Variants in RGS7 observed in about 807,000 individuals in gnomAD.
RGS7 encodes regulator of G protein signaling 7.
RGS7 carries 27 observed loss-of-function variants against 81.1 expected under a neutral mutation model. The ratio of observed to expected loss-of-function variants is 0.33; its 90% CI spans 0.25 to 0.46. The LOEUF is 0.46. Among genes scored for constraint, RGS7 ranks in the 20% least tolerant of loss-of-function variants. The pLI, the probability that RGS7 is intolerant of heterozygous loss-of-function variation, is 1.00. For synonymous variants in RGS7, 208 were observed against 207.7 expected (o/e 1.00, Z -0.01); for missense variants, 396 against 607.4 (o/e 0.65, Z 3.66).
intron 3 of RGS7, among the ~76,000 whole-genome samples, chr1:241,005,897 C>T (rs542519099): frequency 1.2e-4 from 18 of 152,282 alleles, no homozygotes; most frequent in African/African-American, 3.1e-4. Context: ...TACCTGTATT[C>T]GTGTTCCAAG....
At chr1:241,016,317 A>AG (rs2059222123) in intron 3 of RGS7, among the ~76,000 whole-genome samples, 1 of 152,292 alleles carries the variant, frequency 6.6e-6, no homozygotes, top group East Asian at 1.9e-4. Flanking sequence ...CAAGAGAACA[A>AG]GACCATCCTG....
At chr1:241,248,331 G>A (rs778515852) in intron 2 of RGS7, among the ~76,000 whole-genome samples, 12 of 145,782 alleles carry the variant, frequency 8.2e-5, no homozygotes, top group African/African-American at 2.3e-4. Flanking sequence ...CCTATGGCTG[G>A]GTCCTGTTGT....
At chr1:241,077,624 C>G (rs2062875136) in intron 3 of RGS7, among the ~76,000 whole-genome samples, 2 of 152,184 alleles carry the variant, frequency 1.3e-5, no homozygotes, top group South Asian at 4.1e-4. Context: ...TTCTTCAGCC[C>G]TCCAGCGATT....
intron 2 of RGS7, among the ~76,000 whole-genome samples, chr1:241,291,853 C>A (rs989959400): frequency 6.6e-6 from 1 of 152,130 alleles, no homozygotes; most frequent in African/African-American, 2.4e-5. Flanking sequence ...GGATTACAGG[C>A]GTGAGCCACC....
chr1:241,355,357 G>A (rs2083495252), intron 2 of RGS7, among the ~76,000 whole-genome samples: 1 of 152,062 alleles, frequency 6.6e-6, no homozygotes, highest in Non-Finnish European at 1.5e-5. Flanking sequence ...GTTTAAAGGG[G>A]GTATAAGAAA....
intron 3 of RGS7, among the ~76,000 whole-genome samples, chr1:241,094,500 T>C (rs146409350): frequency 7.8e-4 from 119 of 152,236 alleles, no homozygotes; most frequent in African/African-American, 2.7e-3. Context: ...CTCAAGGACA[T>C]TTCTCATCTC....
At chr1:241,059,402 T>A (rs1446589321) in intron 3 of RGS7, among the ~76,000 whole-genome samples, 1 of 152,204 alleles carries the variant, frequency 6.6e-6, no homozygotes, top group Non-Finnish European at 1.5e-5. Flanking sequence ...TAGAGTATAT[T>A]AGTCAGCATT....
intron 2 of RGS7, among the ~76,000 whole-genome samples, chr1:241,143,648 C>A (rs962083003): frequency 1.3e-5 from 2 of 152,212 alleles, no homozygotes; most frequent in African/African-American, 4.8e-5. Context: ...GGTGAAGACA[C>A]AGCCAAACCA....
chr1:241,247,330 A>G (rs777295341), intron 2 of RGS7, among the ~76,000 whole-genome samples: 1 of 152,202 alleles, frequency 6.6e-6, no homozygotes, highest in Non-Finnish European at 1.5e-5. Context: ...ATTATTTGGA[A>G]GTAATGGCTT....
At chr1:240,980,627 T>C (rs1684774180) in intron 4 of RGS7, among the ~76,000 whole-genome samples, 2 of 152,210 alleles carry the variant, frequency 1.3e-5, no homozygotes. Context: ...AAAGTAACTT[T>C]CATAATATCA....
At chr1:241,355,133 A>G (rs1247606381) in intron 2 of RGS7, among the ~76,000 whole-genome samples, 1 of 152,224 alleles carries the variant, frequency 6.6e-6, no homozygotes, top group Non-Finnish European at 1.5e-5. Flanking sequence ...GCACTAGAAT[A>G]TAAATACCCA....
intron 6 of RGS7, among the ~76,000 whole-genome samples, chr1:240,930,371 G>C (rs1175328333): frequency 6.6e-6 from 1 of 151,924 alleles, no homozygotes; most frequent in Non-Finnish European, 1.5e-5. Flanking sequence ...CAGCTAAGTG[G>C]GAGAGTTGAA....
intron 3 of RGS7, among the ~76,000 whole-genome samples, chr1:241,082,438 G>A (rs866694117): frequency 3.3e-5 from 5 of 152,190 alleles, no homozygotes; most frequent in African/African-American, 1.2e-4. Context: ...TGCCAATTTT[G>A]TACTGTTCCT....
chr1:241,302,847 C>T (rs1342081990), intron 2 of RGS7, among the ~76,000 whole-genome samples: 1 of 150,834 alleles, frequency 6.6e-6, no homozygotes, highest in Non-Finnish European at 1.5e-5. Flanking sequence ...CAGTAGGGAT[C>T]TCTAAAAGAC....
At chr1:240,981,789 T>G (rs577706667) in intron 4 of RGS7, among the ~76,000 whole-genome samples, 1 of 152,306 alleles carries the variant, frequency 6.6e-6, no homozygotes, top group Non-Finnish European at 1.5e-5. Context: ...GGACAGAATT[T>G]GAGCTGCATC....
chr1:241,156,335 T>A (rs911636031), intron 2 of RGS7, among the ~76,000 whole-genome samples: 10 of 151,314 alleles, frequency 6.6e-5, no homozygotes, highest in African/African-American at 2.4e-4. Flanking sequence ...TCTGTCTCTA[T>A]GAAACACAAA....
intron 6 of RGS7, 44 bp from the exon 7 acceptor site, chr1:240,870,163 T>C (rs1664225043): frequency 5.3e-6 from 8 of 1,521,420 alleles, no homozygotes; most frequent in Non-Finnish European, 5.5e-6. Context: ...ATCAACACCA[T>C]GGCACTATAA....
intron 2 of RGS7, among the ~76,000 whole-genome samples, chr1:241,259,667 A>AAAAAAAAAAAAAAAAAAAAAAAAATATAT: frequency 2.0e-5 from 1 of 49,146 alleles, no homozygotes; most frequent in Non-Finnish European, 3.6e-5. Flanking sequence ...AAAAAAAAAA[A>AAAAAAAAAAAAAAAAAAAAAAAAATATAT]ATATATATAT....
chr1:240,837,288 G>A (rs1477282569), intron 9 of RGS7, among the ~76,000 whole-genome samples: 1 of 152,220 alleles, frequency 6.6e-6, no homozygotes, highest in Non-Finnish European at 1.5e-5. Flanking sequence ...GTGCGCACAT[G>A]AGCGATTGAT....
Sources: gnomAD v4.1 joint callset for allele counts (sites outside exome capture counted in the v4.1 genomes callset) on GRCh38, gnomAD v4.1.1 for gene constraint, MANE v1.5 for transcripts, NCBI Gene and HGNC (gene_info 2026-07-23, HGNC 2026-07-21) for gene names.